R3HCC1: variants seen among roughly 807,000 people sequenced by gnomAD.
The protein encoded by R3HCC1 is R3H domain and coiled-coil containing 1, also known as R3H and coiled-coil domain-containing protein 1.
A neutral mutation model predicts 40.0 loss-of-function variants in R3HCC1; 32 were observed. The observed-to-expected ratio is 0.80, with a 90% confidence interval of 0.60 to 1.07. R3HCC1 has a LOEUF of 1.07. Ranked by LOEUF, R3HCC1 falls within the 50% of genes least tolerant of loss-of-function variation. The probability of loss-of-function intolerance (pLI) is 0.00; values close to 1 mark genes in which losing one functional copy is unlikely to be tolerated. For synonymous variants in R3HCC1, 237 were observed against 232.8 expected (o/e 1.02, Z -0.17); for missense variants, 586 against 563.3 (o/e 1.04, Z -0.41).
chr8:23,288,833 A>C (rs906628376), intron 2 of R3HCC1, among the ~76,000 whole-genome samples, 183 bp from the exon 3 acceptor site: 2 of 151,996 alleles, frequency 1.3e-5, no homozygotes, highest in African/African-American at 4.8e-5. Flanking sequence ...CGGCACAGGG[A>C]TTGGGGATGG....
chr8:23,295,853 C>T, intron 7 of R3HCC1, 114 bp from the exon 8 acceptor site: 1 of 1,368,204 alleles, frequency 7.3e-7, no homozygotes, highest in Non-Finnish European at 9.8e-7. Context: ...GGCCGAGGCC[C>T]CACATGTGTC....
At chr8:23,294,042 C>T (rs535498271) in intron 6 of R3HCC1, among the ~76,000 whole-genome samples, 2 of 152,176 alleles carry the variant, frequency 1.3e-5, no homozygotes, top group South Asian at 2.1e-4. Context: ...TCTGAAAACC[C>T]GAGCTGGGGC....
Position 23,291,444 on chromosome 8 carries a change from A to G in R3HCC1, c.936A>G (p.Gly312=), listed in dbSNP as rs1165941730. 6.4e-7 allele frequency: 1 copy of G among 1,551,706 alleles called. No homozygotes were observed. The highest frequency in any genetic ancestry group is 2.0e-5 in the Admixed American group (1 of 51,004). Reference sequence around the variant, plus strand: ...CCTCCTTCGTGGAGGAGCTGCCTGGAGAGAAGGACCTTGCCCACGTGGTAG... The same window carrying G: ...CCTCCTTCGTGGAGGAGCTGCCTGGGGAGAAGGACCTTGCCCACGTGGTAG... Residue 312 remains glycine (G), a synonymous_variant, in exon 5 of 8, where the codon GGA becomes GGG. Coordinates refer to ENST00000265806, the MANE Select transcript of R3HCC1 (RefSeq NM_001136108.3).
intron 5 of R3HCC1, among the ~76,000 whole-genome samples, chr8:23,291,746 C>T (rs908306053): frequency 2.6e-5 from 4 of 152,278 alleles, no homozygotes; most frequent in African/African-American, 9.6e-5. Context: ...GTAGACACAC[C>T]CTGCAGGCCC....
chr8:23,291,771 C>T (rs1455890903), intron 5 of R3HCC1, among the ~76,000 whole-genome samples: 1 of 152,244 alleles, frequency 6.6e-6, no homozygotes, highest in Non-Finnish European at 1.5e-5. Flanking sequence ...CCTGGGCTGC[C>T]CCCCTGCATG....
In R3HCC1 at chr8:23,289,140, C is replaced by A; in HGVS notation, c.235C>A (p.His79Asn). 6.5e-7 allele frequency: 1 copy of A among 1,536,230 alleles called. No individual in the cohort carries two copies. Among genetic ancestry groups the A allele is most frequent in the Non-Finnish European group, 8.7e-7 (1 of 1,146,926 alleles). ...CTGGAAGAGGAGGACGGTCATCTGTCACCAGGACATCAGGTGTGTAGCCTC... is the reference window on the plus strand; with the variant it reads ...CTGGAAGAGGAGGACGGTCATCTGTAACCAGGACATCAGGTGTGTAGCCTC... The change falls in exon 3 of 8, where the codon CAC becomes AAC. Residue 79 changes from histidine (H) to asparagine (N), a missense_variant. Coordinates refer to ENST00000265806, the MANE Select transcript of R3HCC1 (RefSeq NM_001136108.3).
At chr8:23,293,609 T>A (rs997943374) in intron 6 of R3HCC1, among the ~76,000 whole-genome samples, 1 of 152,132 alleles carries the variant, frequency 6.6e-6, no homozygotes, top group African/African-American at 2.4e-5. Flanking sequence ...TGAAAAGGCA[T>A]CAGATTCAGG....
Position 23,296,132 on chromosome 8 carries a change from C to A in R3HCC1, c.*35C>A. 6.5e-7 allele frequency: 1 copy of A among 1,533,368 alleles called. No homozygotes were observed. The highest frequency in any genetic ancestry group is 8.8e-7 in the Non-Finnish European group (1 of 1,137,988). The allele number at this position is 1,533,368 out of a possible 1,614,324, so 95.0% of individuals were successfully genotyped here. ...ACCCAACTGGCCTGGATCTGCGTCC[C>A]GACGTAGCTGGCGCCCCCAACACCA... is the stretch of plus-strand genomic sequence containing the variant. On this transcript the variant is annotated 3_prime_UTR_variant, in exon 8 of 8. Transcript: ENST00000265806.
Position 23,289,877 on chromosome 8 carries a change from C to G in R3HCC1, c.260C>G (p.Ser87Trp). The G allele has an allele frequency of 6.6e-7, 1 of 1,516,808 alleles. No homozygotes were observed. The highest frequency in any genetic ancestry group is 8.8e-7 in the Non-Finnish European group (1 of 1,135,840). 94.0% of individuals were successfully genotyped at this position (1,516,808 alleles called of 1,614,324 possible). A position where few individuals can be genotyped will look rare whatever the true frequency, so the allele number is the denominator to read the frequency against. Residue 87 changes from serine to tryptophan, a missense_variant, in exon 4 of 8, where the codon TCG becomes TGG. Physicochemically the swap from Ser to Trp is radical, Grantham distance 177. Transcript: ENST00000265806. Reference sequence around the variant, plus strand: ...CATTCCTGCTCCAGGGTACCCAGTTCGGATGGCCTCTCTGGCCCCTGCCGC... The same window carrying G: ...CATTCCTGCTCCAGGGTACCCAGTTGGGATGGCCTCTCTGGCCCCTGCCGC...
rs1802957656 is a variant in R3HCC1 at position 23,294,831 on chromosome 8, A to G, written c.1159A>G (p.Lys387Glu). ...GATCCGGCCCCTCACACAGGGAACC[A>G]AGCAGTCAAAGCTCAAAGCCTTGCA... Residue 387 changes from lysine (K) to glutamate (E), a missense_variant, in exon 7 of 8, where the codon AAG becomes GAG. Lys to Glu is a moderately conservative substitution (Grantham distance 56, BLOSUM62 1). Coordinates refer to ENST00000265806, the MANE Select transcript of R3HCC1 (RefSeq NM_001136108.3). 2 of 1,551,322 alleles carry G rather than the reference A, an allele frequency of 1.3e-6. No homozygotes were observed. The highest frequency in any genetic ancestry group is 2.7e-5 in the African/African-American group (2 of 72,996).
chr8:23,288,661 C>T (rs762315041), intron 2 of R3HCC1, 28 bp downstream of exon 2: 98 of 1,532,692 alleles, frequency 6.4e-5, no homozygotes, highest in Non-Finnish European at 7.5e-5. Context: ...GCGAGGGTGC[C>T]GCCTTGCTGG....
rs1051804607 is a variant in R3HCC1 at position 23,296,066 on chromosome 8, G to A, written c.1292G>A (p.Arg431Gln). ...GGACTCCAACACAAAAAGAAAGAGCGGCCTGCTGTCCGGGGTCCGCTGCCG... is the reference window on the plus strand; with the variant it reads ...GGACTCCAACACAAAAAGAAAGAGCAGCCTGCTGTCCGGGGTCCGCTGCCG... The change falls in exon 8 of 8, where the codon CGG becomes CAG. Residue 431 changes from arginine (R) to glutamine (Q), a missense_variant. Arg to Gln is a conservative substitution (Grantham distance 43). Transcript: ENST00000265806. 2.8e-5 allele frequency: 44 copies of A among 1,550,480 alleles called. No individual in the cohort carries two copies. The highest frequency in any genetic ancestry group is 1.7e-4 in the Middle Eastern group (1 of 5,980).
intron 5 of R3HCC1, 69 bp from the exon 6 acceptor site, chr8:23,293,234 C>A: frequency 7.6e-7 from 1 of 1,320,576 alleles, no homozygotes; most frequent in Non-Finnish European, 1.1e-6. Context: ...GGGGGTGTGG[C>A]TGCGGGATTC....
chr8:23,291,641 G>C, intron 5 of R3HCC1, 108 bp downstream of exon 5: 2 of 1,478,340 alleles, frequency 1.4e-6, no homozygotes, highest in Non-Finnish European at 1.8e-6. Flanking sequence ...TTCAGCAAGA[G>C]AGACAGAAAG....
At chr8:23,294,640 C>G (rs553668552) in intron 6 of R3HCC1, 129 bp from the exon 7 acceptor site, 1 of 688,298 alleles carries the variant, frequency 1.5e-6, no homozygotes, top group Admixed American at 2.3e-5. Context: ...CCATCCAGGG[C>G]GGTGTCGGAG....
chr8:23,292,179 G>A (rs1452776354), intron 5 of R3HCC1, among the ~76,000 whole-genome samples: 1 of 151,928 alleles, frequency 6.6e-6, no homozygotes, highest in African/African-American at 2.4e-5. Flanking sequence ...CCAGGCAGGG[G>A]TGCAGTGGTA....
chr8:23,290,088 CAA>C lies in R3HCC1; in HGVS notation c.472_473del (p.Lys158GlufsTer23), dbSNP rs762464636. ...GGGGGCTGACCTCTACCTCGGTGCT[CAA>C]GAGAGAGGCCCCAGCTGGCAGGGAC... is the stretch of plus-strand genomic sequence containing the variant. On this transcript the variant is annotated frameshift_variant, in exon 4 of 8. Coordinates refer to ENST00000265806, the MANE Select transcript of R3HCC1 (RefSeq NM_001136108.3). LOFTEE classifies it high-confidence loss of function. 5 of 1,550,280 alleles carry C rather than the reference CAA, an allele frequency of 3.2e-6. No homozygotes were observed. In the South Asian group the frequency reaches 3.6e-5, roughly 11 times the overall value.
rs1418480145 is a variant in R3HCC1, at chr8:23,294,761, T to C, written c.1097-8T>C. The C allele has an allele frequency of 6.5e-7, 1 of 1,550,302 alleles. No individual in the cohort carries two copies. Among genetic ancestry groups the C allele is most frequent in the Non-Finnish European group, 8.7e-7 (1 of 1,146,568 alleles). ...GGGAGTGGCTCCACGCCTGCTTTCT[T>C]TCCACAGCTGCGGAAGCCCTGACCC... On this transcript the variant is annotated splice_polypyrimidine_tract_variant and splice_region_variant and intron_variant, in intron 6 of 7. Transcript: ENST00000265806.
intron 5 of R3HCC1, 77 bp downstream of exon 5, chr8:23,291,610 C>T: frequency 6.6e-7 from 1 of 1,524,106 alleles, no homozygotes; most frequent in Non-Finnish European, 8.9e-7. Flanking sequence ...GCTTGCCTGC[C>T]CCACACCCAG....
Sources: allele counts gnomAD v4.1 joint callset (sites outside exome capture counted in the v4.1 genomes callset), GRCh38; gene constraint gnomAD v4.1.1; transcripts MANE v1.5; gene names NCBI Gene and HGNC (gene_info 2026-07-23, HGNC 2026-07-21).